The following PCDH15 variants were observed in gnomAD, a reference collection of about 807,000 sequenced individuals.
The protein encoded by PCDH15 is protocadherin related 15.
A neutral mutation model predicts 178.5 loss-of-function variants in PCDH15; 129 were observed. That is an observed-to-expected ratio of 0.72 (90% CI 0.63 to 0.84). The LOEUF (loss-of-function observed/expected upper bound fraction) is 0.84. PCDH15 is among the 40% of genes least tolerant of loss of function. The pLI is 0.00. For missense variants in PCDH15, 2,230 were observed against 2,099.9 expected (o/e 1.06, Z -1.21); for synonymous variants, 800 against 732.0 (o/e 1.09, Z -1.50).
At chr10:55,208,859 A>G (rs1177397082) in intron 1 of PCDH15, among the ~76,000 whole-genome samples, 2 of 152,126 alleles carry the variant, frequency 1.3e-5, no homozygotes, top group Non-Finnish European at 2.9e-5. Flanking sequence ...TATTTTAGGT[A>G]CTATGAAGGA....
At chr10:54,600,453 T>C (rs1226595981) in intron 2 of PCDH15, 2 of 578,138 alleles carry the variant, frequency 3.5e-6, no homozygotes, top group Non-Finnish European at 6.9e-6. Context: ...GCCCAGCAGA[T>C]GAAAAGAAGG....
chr10:54,589,090 T>C (rs952601681), intron 2 of PCDH15, among the ~76,000 whole-genome samples: 1 of 152,196 alleles, frequency 6.6e-6, no homozygotes, highest in African/African-American at 2.4e-5. Context: ...GACATGATTT[T>C]ATAAAAAATA....
At chr10:54,409,231 T>C (rs184594950) in intron 3 of PCDH15, among the ~76,000 whole-genome samples, 2 of 152,294 alleles carry the variant, frequency 1.3e-5, no homozygotes, top group African/African-American at 2.4e-5. Flanking sequence ...GTCTCAGGTA[T>C]GTCTTTGTCA....
intron 15 of PCDH15, among the ~76,000 whole-genome samples, chr10:54,112,523 C>G (rs1264611082): frequency 1.3e-5 from 2 of 152,078 alleles, no homozygotes; most frequent in Admixed American, 1.3e-4. Context: ...GAGACTATCT[C>G]ATAAAAGCTG....
chr10:55,120,618 G>T (rs563101223), intron 2 of PCDH15, among the ~76,000 whole-genome samples: 20 of 152,282 alleles, frequency 1.3e-4, no homozygotes, highest in Admixed American at 5.9e-4. Flanking sequence ...CCAAGAGAAA[G>T]ATGTGTTTTT....
chr10:54,745,988 T>C (rs1005196149), intron 1 of PCDH15, among the ~76,000 whole-genome samples: 2 of 152,216 alleles, frequency 1.3e-5, no homozygotes, highest in Admixed American at 6.5e-5. Context: ...TCCTGAACTG[T>C]GAGATAAATA....
intron 1 of PCDH15, among the ~76,000 whole-genome samples, chr10:55,235,828 A>T (rs1592009313): frequency 6.9e-6 from 1 of 145,344 alleles, no homozygotes; most frequent in South Asian, 2.2e-4. Flanking sequence ...AATTGCTTGA[A>T]CCCGGGAGGT....
At chr10:54,882,557 C>T (rs909543574) in intron 3 of PCDH15, among the ~76,000 whole-genome samples, 3 of 152,046 alleles carry the variant, frequency 2.0e-5, no homozygotes, top group Non-Finnish European at 2.9e-5. Context: ...TAGACATCCA[C>T]ATAAACATCT....
At chr10:54,386,031 G>T (rs758741743) in intron 3 of PCDH15, among the ~76,000 whole-genome samples, 1 of 151,178 alleles carries the variant, frequency 6.6e-6, no homozygotes, top group Non-Finnish European at 1.5e-5. Flanking sequence ...TACTTGTTAG[G>T]TATACAAGTA....
At chr10:54,381,861 A>G (rs1303027306) in intron 3 of PCDH15, among the ~76,000 whole-genome samples, 2 of 152,138 alleles carry the variant, frequency 1.3e-5, no homozygotes, top group Non-Finnish European at 2.9e-5. Flanking sequence ...TGGCCCTGGA[A>G]TGGATAGGCT....
chr10:53,857,483 C>T (rs2078832042), intron 27 of PCDH15, among the ~76,000 whole-genome samples: 1 of 151,906 alleles, frequency 6.6e-6, no homozygotes, highest in Non-Finnish European at 1.5e-5. Flanking sequence ...TGTTGTTTAC[C>T]TAGAAATTAA....
intron 3 of PCDH15, among the ~76,000 whole-genome samples, chr10:54,883,854 A>G (rs1297918498): frequency 6.6e-6 from 1 of 152,046 alleles, no homozygotes; most frequent in African/African-American, 2.4e-5. Flanking sequence ...AAAGGAAACC[A>G]CAAACATTAA....
intron 32 of PCDH15, chr10:53,822,874 TGTTTG>T: frequency 6.2e-7 from 1 of 1,614,130 alleles, no homozygotes; most frequent in Non-Finnish European, 8.5e-7. Context: ...CTACCTCTTT[TGTTTG>T]TACAGATTCC....
intron 3 of PCDH15, among the ~76,000 whole-genome samples, chr10:54,876,253 T>A (rs1261682938): frequency 1.3e-5 from 2 of 152,152 alleles, no homozygotes; most frequent in African/African-American, 4.8e-5. Context: ...GAAAAAAAAA[T>A]TTTTAATATT....
At chr10:54,794,723 G>A (rs1034217396) in intron 1 of PCDH15, among the ~76,000 whole-genome samples, 9 of 151,672 alleles carry the variant, frequency 5.9e-5, no homozygotes, top group Non-Finnish European at 1.3e-4. Flanking sequence ...CATAGCTCCT[G>A]GCACACAGTA....
chr10:54,199,717 T>C (rs1007532831), intron 10 of PCDH15, among the ~76,000 whole-genome samples: 13 of 152,040 alleles, frequency 8.6e-5, no homozygotes, highest in African/African-American at 2.9e-4. Context: ...AAATCCGTGG[T>C]GGATGAAATG....
chr10:54,165,253 T>C (rs967448391), intron 13 of PCDH15, among the ~76,000 whole-genome samples: 1 of 152,142 alleles, frequency 6.6e-6, no homozygotes. Context: ...TAATCCAAGA[T>C]GATGGGCACC....
chr10:55,538,125 T>A (rs919877442), intron 2 of PCDH15, among the ~76,000 whole-genome samples: 1 of 152,178 alleles, frequency 6.6e-6, no homozygotes, highest in African/African-American at 2.4e-5. Context: ...CCTTTTGATA[T>A]CAGCCTGCAG....
intron 2 of PCDH15, among the ~76,000 whole-genome samples, chr10:54,933,010 T>G (rs1837820909): frequency 6.6e-6 from 1 of 152,190 alleles, no homozygotes; most frequent in South Asian, 2.1e-4. Context: ...TACTGTATCT[T>G]TTCTATGTTT....
Sources: gnomAD v4.1 joint callset for allele counts (sites outside exome capture counted in the v4.1 genomes callset) on GRCh38, gnomAD v4.1.1 for gene constraint, MANE v1.5 for transcripts, NCBI Gene and HGNC (gene_info 2026-07-23, HGNC 2026-07-21) for gene names.